LRRC4C: variants seen among roughly 807,000 people sequenced by gnomAD.
LRRC4C encodes leucine-rich repeat-containing protein 4C.
In LRRC4C, 5 loss-of-function variants were observed where a neutral mutation model predicts 33.6. The ratio of observed to expected loss-of-function variants is 0.15; its 90% CI spans 0.08 to 0.31. LRRC4C has a LOEUF of 0.31. Ranked by LOEUF, LRRC4C falls within the 10% of genes least tolerant of loss-of-function variation. The pLI is 1.00. For synonymous variants in LRRC4C, 329 were observed against 302.0 expected, an observed-to-expected ratio of 1.09 and a Z score of -0.93; for missense variants, 560 against 796.7, an observed-to-expected ratio of 0.70 and a Z score of 3.58.
chr11:40,537,902 C>T (rs1305161152), intron 3 of LRRC4C, among the ~76,000 whole-genome samples: 1 of 152,230 alleles, frequency 6.6e-6, no homozygotes, highest in Non-Finnish European at 1.5e-5. Context: ...GTCTACTCAG[C>T]TGCAGCATAG....
At chr11:40,907,754 C>A (rs891954578) in intron 2 of LRRC4C, among the ~76,000 whole-genome samples, 1 of 152,158 alleles carries the variant, frequency 6.6e-6, no homozygotes, top group African/African-American at 2.4e-5. Context: ...AACAGAGCTG[C>A]AATTTTTCTC....
intron 3 of LRRC4C, among the ~76,000 whole-genome samples, chr11:40,461,244 C>A (rs79704821): frequency 0.041 from 6,180 of 152,064 alleles, 400 homozygotes; most frequent in African/African-American, 0.14. Context: ...TTGGTGGAAC[C>A]TTACAGAAAG....
intron 1 of LRRC4C, among the ~76,000 whole-genome samples, chr11:41,229,383 A>G (rs909365504): frequency 6.6e-5 from 10 of 152,080 alleles, no homozygotes; most frequent in African/African-American, 2.4e-4. Flanking sequence ...CTGTTCTTCA[A>G]GCTAACCAGT....
At chr11:41,212,135 C>A (rs1946849610) in intron 1 of LRRC4C, among the ~76,000 whole-genome samples, 1 of 152,144 alleles carries the variant, frequency 6.6e-6, no homozygotes, top group Non-Finnish European at 1.5e-5. Flanking sequence ...GCATCAGAGA[C>A]AATATTGAAA....
intron 3 of LRRC4C, among the ~76,000 whole-genome samples, chr11:40,593,382 CAT>C (rs1959145697): frequency 6.6e-6 from 1 of 152,182 alleles, no homozygotes; most frequent in African/African-American, 2.4e-5. Context: ...TACACATACA[CAT>C]GTGCACAATT....
At chr11:40,552,416 C>T (rs1957161831) in intron 3 of LRRC4C, among the ~76,000 whole-genome samples, 1 of 152,122 alleles carries the variant, frequency 6.6e-6, no homozygotes, top group South Asian at 2.1e-4. Flanking sequence ...CTTCAAAGCC[C>T]AATGGAAGCA....
chr11:40,899,123 T>G (rs766436860), intron 2 of LRRC4C, among the ~76,000 whole-genome samples: 1 of 151,982 alleles, frequency 6.6e-6, no homozygotes, highest in Non-Finnish European at 1.5e-5. Context: ...TTTTATTTAG[T>G]AAAGAACTCA....
At chr11:41,155,291 G>A (rs1200869420) in intron 1 of LRRC4C, among the ~76,000 whole-genome samples, 3 of 152,076 alleles carry the variant, frequency 2.0e-5, no homozygotes, top group African/African-American at 7.2e-5. Context: ...CCTAGGAGTT[G>A]CAAGCTTGCT....
At chr11:40,357,549 T>C (rs12223857) in intron 3 of LRRC4C, among the ~76,000 whole-genome samples, 75,884 of 152,000 alleles carry the variant, frequency 0.5, 19,366 homozygotes, top group East Asian at 0.8. Flanking sequence ...CAAAAATGTG[T>C]AGTTGTTGCT....
At chr11:41,210,408 C>T (rs1946775340) in intron 1 of LRRC4C, among the ~76,000 whole-genome samples, 1 of 152,160 alleles carries the variant, frequency 6.6e-6, no homozygotes, top group Admixed American at 6.5e-5. Flanking sequence ...TGCCTCTCAT[C>T]CTCTCTTGCC....
intron 1 of LRRC4C, among the ~76,000 whole-genome samples, chr11:40,960,251 T>A (rs1029407028): frequency 6.6e-6 from 1 of 151,806 alleles, no homozygotes. Flanking sequence ...GAAGGTTCAT[T>A]ATCAAATTTC....
intron 1 of LRRC4C, among the ~76,000 whole-genome samples, chr11:41,021,898 T>A (rs183511587): frequency 2.0e-5 from 3 of 152,068 alleles, no homozygotes; most frequent in African/African-American, 7.2e-5. Context: ...TAAGCAGTAG[T>A]TTCATATATT....
chr11:41,421,715 C>T (rs1477839801), intron 1 of LRRC4C, among the ~76,000 whole-genome samples: 1 of 152,010 alleles, frequency 6.6e-6, no homozygotes, highest in Non-Finnish European at 1.5e-5. Context: ...GCAATTCAAA[C>T]ATCAGCAATA....
In LRRC4C at chr11:41,021,132, T is replaced by C. The variant is rs185458501; in HGVS notation, c.-495-87409A>G. Among the ~76,000 whole-genome samples, 598 of 148,798 alleles carry C rather than the reference T, an allele frequency of 4.0e-3. 4 individuals carry two copies. The highest frequency in any genetic ancestry group is 0.014 in the African/African-American group (568 of 40,172). On this transcript the variant is annotated intron_variant, in intron 1 of 6. Coordinates refer to ENST00000528697, the MANE Select transcript of LRRC4C (RefSeq NM_001258419.2). ...GTAAGCTCTGGGGACAAAGTCCCTG[T>C]TATTTTGTTCCCAATCGTGCATCTG... is the stretch of plus-strand genomic sequence containing the variant.
chr11:40,320,869 T>C (rs1945810271), intron 3 of LRRC4C, among the ~76,000 whole-genome samples: 1 of 152,346 alleles, frequency 6.6e-6, no homozygotes, highest in East Asian at 1.9e-4. Context: ...TGAATTTTTA[T>C]ATACTTATAT....
chr11:40,697,015 T>C (rs79554712), intron 2 of LRRC4C, among the ~76,000 whole-genome samples: 12,680 of 151,946 alleles, frequency 0.083, 1,806 homozygotes, highest in African/African-American at 0.29. Context: ...ATTAGAATAT[T>C]GAAAGAAGCA....
At chr11:41,384,312 T>C (rs754968792) in intron 1 of LRRC4C, among the ~76,000 whole-genome samples, 1 of 151,968 alleles carries the variant, frequency 6.6e-6, no homozygotes, top group South Asian at 2.1e-4. Flanking sequence ...TTTATTTAGT[T>C]GTATTTTTAT....
chr11:40,859,659 TAGC>T (rs1459175264), intron 2 of LRRC4C, among the ~76,000 whole-genome samples: 1 of 152,162 alleles, frequency 6.6e-6, no homozygotes, highest in Non-Finnish European at 1.5e-5. Flanking sequence ...CAAATGTTTC[TAGC>T]AGAATTTTTC....
intron 3 of LRRC4C, among the ~76,000 whole-genome samples, chr11:40,385,218 A>G (rs1468889978): frequency 1.3e-5 from 2 of 152,128 alleles, no homozygotes. Context: ...TTTTCCTTCT[A>G]ACTCTGAGAA....
Sources: allele counts gnomAD v4.1 joint callset (sites outside exome capture counted in the v4.1 genomes callset), GRCh38; gene constraint gnomAD v4.1.1; transcripts MANE v1.5; gene names NCBI Gene and HGNC (gene_info 2026-07-23, HGNC 2026-07-21).